Variants in BMPR2 observed in about 807,000 individuals in gnomAD.
The protein encoded by BMPR2 is bone morphogenetic protein receptor type-2.
A neutral mutation model predicts 100.8 loss-of-function variants in BMPR2; 29 were observed. That is an observed-to-expected ratio of 0.29 (90% CI 0.21 to 0.39). The LOEUF is 0.39. Among genes scored for constraint, BMPR2 ranks in the 10% least tolerant of loss-of-function variants. BMPR2 has a pLI of 1.00. For missense variants in BMPR2, 1,011 were observed against 1,274.5 expected (o/e 0.79, Z 3.15); for synonymous variants, 382 against 442.3 (o/e 0.86, Z 1.71).
chr2:202,483,064 A>G (rs553796075), intron 3 of BMPR2, among the ~76,000 whole-genome samples: 1 of 152,026 alleles, frequency 6.6e-6, no homozygotes, highest in Admixed American at 6.6e-5. Flanking sequence ...TCGCTGTCCT[A>G]ATGGGTGTGA....
intron 3 of BMPR2, among the ~76,000 whole-genome samples, chr2:202,506,942 G>A (rs773466964): frequency 6.6e-6 from 1 of 150,752 alleles, no homozygotes; most frequent in African/African-American, 2.4e-5. Context: ...GCATAGTGGC[G>A]TGCACCTGTA....
At chr2:202,466,538 G>A (rs1244031043) in intron 2 of BMPR2, among the ~76,000 whole-genome samples, 1 of 152,058 alleles carries the variant, frequency 6.6e-6, no homozygotes, top group African/African-American at 2.4e-5. Context: ...CGCCCACTTC[G>A]GCCTCCCAAA....
intron 3 of BMPR2, among the ~76,000 whole-genome samples, chr2:202,506,347 A>G (rs937844874): frequency 2.6e-5 from 4 of 151,934 alleles, no homozygotes; most frequent in African/African-American, 7.2e-5. Flanking sequence ...TAGTAGAGAC[A>G]GGGTTTCGCC....
chr2:202,443,106 A>C (rs1467548634), intron 1 of BMPR2, among the ~76,000 whole-genome samples: 1 of 150,588 alleles, frequency 6.6e-6, no homozygotes. Flanking sequence ...GTGGGAAGAC[A>C]CAGCAACAAC....
chr2:202,468,209 G>T (rs1336519208), intron 3 of BMPR2, among the ~76,000 whole-genome samples: 2 of 152,114 alleles, frequency 1.3e-5, no homozygotes, highest in Non-Finnish European at 2.9e-5. Flanking sequence ...AGGCACAGTG[G>T]CTCATGCCTG....
At chr2:202,458,283 CAAAA>C (rs71035009) in intron 1 of BMPR2, among the ~76,000 whole-genome samples, 24 of 52,306 alleles carry the variant, frequency 4.6e-4, no homozygotes, top group African/African-American at 9.0e-4. Flanking sequence ...CTTGTCTCTG[CAAAA>C]AAAAAAAAAA....
intron 1 of BMPR2, among the ~76,000 whole-genome samples, chr2:202,411,829 A>G (rs2105917492): frequency 6.6e-6 from 1 of 152,330 alleles, no homozygotes; most frequent in East Asian, 1.9e-4. Context: ...ACTTCCCAGT[A>G]CTTTAAAAAA....
rs1390478977 is a variant in BMPR2, at chr2:202,562,415, A to G, written c.*2469A>G. The G allele has an allele frequency of 6.6e-6, 1 of 152,630 alleles. No individual in the cohort carries two copies. Among genetic ancestry groups the G allele is most frequent in the Non-Finnish European group, 1.5e-5 (1 of 68,018 alleles). The allele number at this position is 152,630 out of a possible 1,614,324, so 9.5% of individuals were successfully genotyped here. A position where few individuals can be genotyped will look rare whatever the true frequency, so the allele number is the denominator to read the frequency against. ...CAGTTTTTCTTAGTAAACTCCTGAA[A>G]AAGTAGGAAAGGTGGAAAGTATATA... On this transcript the variant is annotated 3_prime_UTR_variant, in exon 13 of 13. Transcript: ENST00000374580.
At chr2:202,559,385 A>G (rs1374555120) in intron 12 of BMPR2, among the ~76,000 whole-genome samples, 4 of 152,146 alleles carry the variant, frequency 2.6e-5, no homozygotes, top group African/African-American at 4.8e-5. Flanking sequence ...CCAAGTTAAG[A>G]TCGCTACCAA....
At chr2:202,515,214 AAGT>A (rs1687691841) in intron 5 of BMPR2, among the ~76,000 whole-genome samples, 1 of 152,130 alleles carries the variant, frequency 6.6e-6, no homozygotes, top group Non-Finnish European at 1.5e-5. Context: ...ATATAATTGC[AAGT>A]AGTAGTAAGT....
chr2:202,488,467 CA>C (rs979643332), intron 3 of BMPR2, among the ~76,000 whole-genome samples: 1 of 151,972 alleles, frequency 6.6e-6, no homozygotes. Flanking sequence ...AACAAAAAAA[CA>C]AAAAAACAGA....
intron 1 of BMPR2, among the ~76,000 whole-genome samples, chr2:202,462,798 C>T (rs1159333070): frequency 1.3e-5 from 2 of 151,958 alleles, no homozygotes; most frequent in Middle Eastern, 3.2e-3. Flanking sequence ...CTGCAACCTA[C>T]ACCTCCCAGG....
At chr2:202,488,737 A>G (rs1398607709) in intron 3 of BMPR2, among the ~76,000 whole-genome samples, 1 of 151,980 alleles carries the variant, frequency 6.6e-6, no homozygotes, top group African/African-American at 2.4e-5. Flanking sequence ...ACAGAGTTTA[A>G]CCATTTTTAA....
chr2:202,473,301 C>T lies in BMPR2; in HGVS notation c.418+5612C>T, dbSNP rs189100802. 3.9e-4 allele frequency among the ~76,000 whole-genome samples: 59 copies of T among 152,064 alleles called. 1 individual carries two copies. The highest frequency in any genetic ancestry group is 1.1e-3 in the African/African-American group (44 of 41,478). The stretch of plus-strand genomic sequence containing the variant: ...TACAAAAATTAGCTGGGCATAGTGG[C>T]GCACACCTGTGATCCCTGCTACTTG... On this transcript the variant is annotated intron_variant, in intron 3 of 12. Coordinates refer to ENST00000374580, the MANE Select transcript of BMPR2 (RefSeq NM_001204.7).
chr2:202,413,857 G>A (rs1691067410), intron 1 of BMPR2, among the ~76,000 whole-genome samples: 1 of 152,036 alleles, frequency 6.6e-6, no homozygotes, highest in African/African-American at 2.4e-5. Flanking sequence ...TAGAGATGAG[G>A]TTTCACCATG....
rs1258082627 is a variant in BMPR2, at chr2:202,376,554, A to G, written c.-921A>G. On this transcript the variant is annotated 5_prime_UTR_variant, in exon 1 of 13. Coordinates refer to ENST00000374580, the MANE Select transcript of BMPR2 (RefSeq NM_001204.7). ...CGGCGGCGGCGGCGGCGGCAGCAGC[A>G]GCGGCTTCCTCGGGGGGTTGTGATT... Among the ~76,000 whole-genome samples, 606 of 129,772 alleles carry G rather than the reference A, an allele frequency of 4.7e-3. 2 individuals are homozygous for G. The highest frequency in any genetic ancestry group is 0.015 in the African/African-American group (533 of 36,282). The allele number at this position is 129,772 out of a possible 152,430, so 85.1% of individuals were successfully genotyped here.
chr2:202,456,654 A>G (rs956981005), intron 1 of BMPR2, among the ~76,000 whole-genome samples: 4 of 151,386 alleles, frequency 2.6e-5, no homozygotes, highest in African/African-American at 9.7e-5. Context: ...AGCTGGGACT[A>G]TAGGCGTGTG....
At chr2:202,428,079 AGG>A (rs1471539406) in intron 1 of BMPR2, among the ~76,000 whole-genome samples, 1 of 152,124 alleles carries the variant, frequency 6.6e-6, no homozygotes, top group Non-Finnish European at 1.5e-5. Context: ...AATTTCCCCT[AGG>A]GGTAACTGCA....
intron 1 of BMPR2, among the ~76,000 whole-genome samples, chr2:202,384,204 T>G (rs1451277874): frequency 6.6e-6 from 1 of 152,136 alleles, no homozygotes; most frequent in Admixed American, 6.6e-5. Context: ...AACACTGATA[T>G]GAAAGATTAT....
Sources: allele counts gnomAD v4.1 joint callset (sites outside exome capture counted in the v4.1 genomes callset), GRCh38; gene constraint gnomAD v4.1.1; transcripts MANE v1.5; gene names NCBI Gene and HGNC (gene_info 2026-07-23, HGNC 2026-07-21).